NRXN3: variants seen among roughly 807,000 people sequenced by gnomAD.
The protein encoded by NRXN3 is neurexin III.
Under a neutral mutation model 137.6 loss-of-function variants are expected in NRXN3, and 32 were observed. That is an observed-to-expected ratio of 0.23 (90% CI 0.18 to 0.31). The LOEUF is 0.31. Among genes scored for constraint, NRXN3 ranks in the 10% least tolerant of loss-of-function variants. The pLI, the probability that NRXN3 is intolerant of heterozygous loss-of-function variation, is 1.00. For synonymous variants in NRXN3, 798 were observed against 784.5 expected (o/e 1.02, Z -0.29); for missense variants, 1,574 against 2,062.5 (o/e 0.76, Z 4.59).
chr14:79,192,019 T>C (rs963951251), intron 15 of NRXN3, among the ~76,000 whole-genome samples: 6 of 151,910 alleles, frequency 3.9e-5, no homozygotes, highest in Admixed American at 2.6e-4. Flanking sequence ...AAAACTTGGG[T>C]ACTAAAGTCA....
At chr14:78,690,944 C>T (rs575362425) in intron 6 of NRXN3, among the ~76,000 whole-genome samples, 73 of 152,194 alleles carry the variant, frequency 4.8e-4, no homozygotes, top group African/African-American at 1.7e-3. Context: ...ACCAAGACAC[C>T]GCAGTGAAAA....
intron 16 of NRXN3, among the ~76,000 whole-genome samples, chr14:79,574,727 G>A (rs2097648842): frequency 6.6e-6 from 1 of 152,036 alleles, no homozygotes; most frequent in Non-Finnish European, 1.5e-5. Context: ...CTTTAGAAGC[G>A]AGTCACGATG....
At position 79,279,704 on chromosome 14, in the gene NRXN3, G is replaced by C. The variant is rs985310961; in HGVS notation, c.3263-187517G>C. ...CAGCACGCCCAGGGTTAAAAGCCTCGCGCCCTTCCGCGGAGACTCCCAGGA... is the reference window on the plus strand; with the variant it reads ...CAGCACGCCCAGGGTTAAAAGCCTCCCGCCCTTCCGCGGAGACTCCCAGGA... On this transcript the variant is annotated intron_variant, in intron 15 of 20. Coordinates refer to ENST00000335750, the MANE Select transcript of NRXN3 (RefSeq NM_001330195.2). 4 of 986,080 alleles carry C rather than the reference G, an allele frequency of 4.1e-6. No individual in the cohort carries two copies. The African/African-American group carries it at 7.0e-5, about 17-fold the overall frequency. 61.1% of individuals were successfully genotyped at this position (986,080 alleles called of 1,614,324 possible).
intron 4 of NRXN3, among the ~76,000 whole-genome samples, chr14:78,479,876 G>C (rs1192440405): frequency 6.6e-6 from 1 of 152,118 alleles, no homozygotes; most frequent in East Asian, 1.9e-4. Context: ...TGGGCATGGT[G>C]GTTCACGCCT....
intron 15 of NRXN3, among the ~76,000 whole-genome samples, chr14:79,316,854 A>G (rs1005790450): frequency 2.0e-5 from 3 of 152,112 alleles, no homozygotes; most frequent in Admixed American, 1.3e-4. Context: ...TAGGAATGCC[A>G]TAACAAAGAA....
intron 15 of NRXN3, among the ~76,000 whole-genome samples, chr14:79,451,746 G>T (rs1007722635): frequency 6.6e-6 from 1 of 152,184 alleles, no homozygotes; most frequent in African/African-American, 2.4e-5. Flanking sequence ...GCATTCTGCT[G>T]CTCCAGCCAT....
intron 19 of NRXN3, among the ~76,000 whole-genome samples, chr14:79,749,934 G>A (rs1280860137): frequency 2.0e-5 from 3 of 152,176 alleles, no homozygotes; most frequent in Non-Finnish European, 2.9e-5. Flanking sequence ...GGTTTGGGAA[G>A]AAAGACATTG....
chr14:78,844,310 G>T (rs996115886), intron 10 of NRXN3, among the ~76,000 whole-genome samples: 5 of 152,116 alleles, frequency 3.3e-5, no homozygotes, highest in Non-Finnish European at 5.9e-5. Context: ...ATTTAATCAT[G>T]CCTTTTGTCA....
At chr14:78,832,203 G>A (rs2098984469) in intron 10 of NRXN3, among the ~76,000 whole-genome samples, 1 of 151,802 alleles carries the variant, frequency 6.6e-6, no homozygotes, top group Admixed American at 6.6e-5. Context: ...AAGTTTTCTG[G>A]TTGCATATAC....
intron 1 of NRXN3, among the ~76,000 whole-genome samples, chr14:78,226,547 A>G (rs1262689355): frequency 1.3e-5 from 2 of 152,218 alleles, no homozygotes; most frequent in African/African-American, 4.8e-5. Context: ...GCTAAGATAT[A>G]AATAGGTACT....
intron 16 of NRXN3, among the ~76,000 whole-genome samples, chr14:79,479,209 T>C (rs12891144): frequency 0.29 from 44,271 of 151,998 alleles, 6,701 homozygotes; most frequent in Admixed American, 0.4. Flanking sequence ...TGACTTTTCA[T>C]GGCTAAAAAC....
At chr14:78,269,985 C>T (rs1298086759) in intron 2 of NRXN3, among the ~76,000 whole-genome samples, 1 of 152,166 alleles carries the variant, frequency 6.6e-6, no homozygotes, top group African/African-American at 2.4e-5. Flanking sequence ...GTGCCAGACA[C>T]CTTGCTAAGT....
In NRXN3 at chr14:78,803,768, C is replaced by T. The variant is rs17108263; in HGVS notation, c.2193C>T (p.Ala731=). ...TGGCTACGACCTCCAGGGACTCTGCCGACACCCTGCGTCTGGAGCTGGATG... is the reference window on the plus strand; with the variant it reads ...TGGCTACGACCTCCAGGGACTCTGCTGACACCCTGCGTCTGGAGCTGGATG... ...LLVATTSRDS[A]DTLRLELDGG... The change falls in exon 9 of 21, where the codon GCC becomes GCT. Residue 731 remains alanine (A), a synonymous_variant. Coordinates refer to ENST00000335750, the MANE Select transcript of NRXN3 (RefSeq NM_001330195.2). The T allele has an allele frequency of 2.6e-3, 4,182 of 1,613,946 alleles. 81 individuals are homozygous for T. The African/African-American group carries it at 0.046, about 18-fold the overall frequency.
At chr14:78,782,896 A>G (rs1240998865) in intron 8 of NRXN3, among the ~76,000 whole-genome samples, 2 of 152,216 alleles carry the variant, frequency 1.3e-5, no homozygotes, top group Non-Finnish European at 2.9e-5. Flanking sequence ...AGCACTGGCA[A>G]GGAGAGGTAA....
At chr14:78,938,971 G>A (rs907065989) in intron 10 of NRXN3, among the ~76,000 whole-genome samples, 10 of 151,504 alleles carry the variant, frequency 6.6e-5, no homozygotes, top group Non-Finnish European at 1.2e-4. Flanking sequence ...TCAGCCTCCG[G>A]AGTAGCTGGG....
At chr14:78,411,446 A>G (rs906349336) in intron 4 of NRXN3, among the ~76,000 whole-genome samples, 8 of 152,198 alleles carry the variant, frequency 5.3e-5, no homozygotes, top group African/African-American at 1.9e-4. Context: ...TAGCCAGATC[A>G]CTTTGGTCTC....
chr14:78,399,630 A>G lies in NRXN3; in HGVS notation c.757+101770A>G, dbSNP rs550220293. On this transcript the variant is annotated intron_variant, in intron 4 of 20. Transcript: ENST00000335750. ...TCTAACTACTCTGCTCTACCCTTCC[A>G]TACTCAATGTCTAACTGCTGCCTGG... Among the ~76,000 whole-genome samples, 5 of 152,294 alleles carry G rather than the reference A, an allele frequency of 3.3e-5. No individual in the cohort carries two copies. In the South Asian group the frequency reaches 1.0e-3, roughly 32 times the overall value.
chr14:78,579,826 G>T (rs939280839), intron 4 of NRXN3, among the ~76,000 whole-genome samples: 4 of 152,160 alleles, frequency 2.6e-5, no homozygotes, highest in African/African-American at 9.7e-5. Context: ...AACTAGCCTA[G>T]TTCCTGAGAA....
chr14:79,621,267 C>T (rs2098221225), intron 16 of NRXN3, among the ~76,000 whole-genome samples: 1 of 152,152 alleles, frequency 6.6e-6, no homozygotes, highest in Non-Finnish European at 1.5e-5. Context: ...CCCAACTATG[C>T]CGGGCACTTT....
Sources: gnomAD v4.1 joint callset for allele counts (sites outside exome capture counted in the v4.1 genomes callset) on GRCh38, gnomAD v4.1.1 for gene constraint, MANE v1.5 for transcripts, NCBI Gene and HGNC (gene_info 2026-07-23, HGNC 2026-07-21) for gene names.